The following SDF4 variants were observed in gnomAD, a reference collection of about 807,000 sequenced individuals.
SDF4 encodes the protein stromal cell derived factor 4, also known as 45 kDa calcium-binding protein.
Under a neutral mutation model 34.2 loss-of-function variants are expected in SDF4, and 22 were observed. That is an observed-to-expected ratio of 0.64 (90% CI 0.46 to 0.92). The LOEUF (loss-of-function observed/expected upper bound fraction) is 0.92. Among genes scored for constraint, SDF4 ranks in the 40% least tolerant of loss-of-function variants. The pLI, the probability that SDF4 is intolerant of heterozygous loss-of-function variation, is 0.00. For missense variants in SDF4, 447 were observed against 499.9 expected (o/e 0.89, Z 1.01); for synonymous variants, 236 against 203.1 (o/e 1.16, Z -1.38).
At chr1:1,225,799 A>C in intron 2 of SDF4, among the ~76,000 whole-genome samples, 1 of 152,234 alleles carries the variant, frequency 6.6e-6, no homozygotes, top group Non-Finnish European at 1.5e-5. Flanking sequence ...CTCCACAGAC[A>C]CAGACACACA....
chr1:1,219,716 G>C, intron 4 of SDF4: 11 of 986,148 alleles, frequency 1.1e-5, no homozygotes, highest in Non-Finnish European at 1.1e-5. Flanking sequence ...AGCCACCCTG[G>C]GTCTCCAGGA....
rs749782502 is a variant in SDF4 at position 1,228,614 on chromosome 1, G to A, written c.159C>T (p.Asp53=). Residue 53 remains aspartate, a synonymous_variant, in exon 2 of 7, where the codon GAC becomes GAT. Coordinates refer to ENST00000360001, the MANE Select transcript of SDF4 (RefSeq NM_016176.6). ...TCTCCAGCTTCACCCCGTTCAGGTG[G>A]TCTGGGGGCAGGATCTCATTCTCCT... The part of the protein sequence containing the change: ...NREENEILPP[D]HLNGVKLEMD... 3 of 1,613,242 alleles carry A rather than the reference G, an allele frequency of 1.9e-6. No individual in the cohort carries two copies. The highest frequency in any genetic ancestry group is 2.5e-6 in the Non-Finnish European group (3 of 1,180,028).
intron 4 of SDF4, chr1:1,220,780 A>C: frequency 7.8e-7 from 1 of 1,287,382 alleles, no homozygotes; most frequent in African/African-American, 1.5e-5. Context: ...GACAGACACA[A>C]TCAGAGTTGG....
Position 1,223,345 on chromosome 1 carries a change from C to T in SDF4, c.455G>A (p.Trp152Ter). Residue 152 changes from tryptophan to a stop codon, truncating the protein, a stop_gained, in exon 4 of 7, where the codon TGG (tryptophan) becomes TAG (stop). Coordinates refer to ENST00000360001, the MANE Select transcript of SDF4 (RefSeq NM_016176.6). LOFTEE classifies it high-confidence loss of function. ...VDPDGDGHVS[W>*]DEYKVKFLAS... Reference sequence around the variant, plus strand: ...CAAAAACTTCACCTTATACTCGTCCCAAGACACGTGACCTGGAAGAGCAGA... The same window carrying T: ...CAAAAACTTCACCTTATACTCGTCCTAAGACACGTGACCTGGAAGAGCAGA... 2.5e-6 allele frequency: 4 copies of T among 1,611,036 alleles called. No individual in the cohort carries two copies. Among genetic ancestry groups the T allele is most frequent in the Non-Finnish European group, 3.4e-6 (4 of 1,178,112 alleles).
chr1:1,224,911 TCAAAACAAGA>T (rs1256672478), intron 2 of SDF4, among the ~76,000 whole-genome samples: 2 of 152,100 alleles, frequency 1.3e-5, no homozygotes, highest in Non-Finnish European at 2.9e-5. Context: ...AGACCCTGAC[TCAAAACAAGA>T]CAAAACAAAA....
At position 1,217,811 on chromosome 1, in the gene SDF4, G is replaced by A. The variant is rs1278964907; in HGVS notation, c.892-123C>T. On this transcript the variant is annotated intron_variant, in intron 6 of 6. Coordinates refer to ENST00000360001, the MANE Select transcript of SDF4 (RefSeq NM_016176.6). This position sits in a 1 kb window ranked among gnomAD's most constrained non-coding sequence, Gnocchi z 8.5. ...GCGGGAGTGTGGGCACGTTCTGGAA[G>A]GTTCCCGAAGGGAGGCGGCACAAAT... The A allele has an allele frequency of 1.3e-6, 2 of 1,562,246 alleles. No individual in the cohort carries two copies. The highest frequency in any genetic ancestry group is 2.3e-5 in the East Asian group (1 of 44,184).
rs1292288103 is a variant in SDF4 at position 1,217,572 on chromosome 1, G to A, written c.1008C>T (p.Ser336=). 43 of 1,613,372 alleles carry A rather than the reference G, an allele frequency of 2.7e-5. No individual in the cohort carries two copies. Among genetic ancestry groups the A allele is most frequent in the Non-Finnish European group, 3.1e-5 (37 of 1,179,900 alleles). ...HLEPEEVLKY[S]EFFTGSKLVD... ...CCAGCTTGCTGCCCGTGAAGAACTC[G>A]CTGTACTTGAGCACCTCCTCGGGCT... is the stretch of plus-strand genomic sequence containing the variant. The change falls in exon 7 of 7, where the codon AGC becomes AGT. Residue 336 remains serine, a synonymous_variant. Coordinates refer to ENST00000360001, the MANE Select transcript of SDF4 (RefSeq NM_016176.6). This position sits in a 1 kb window ranked among gnomAD's most constrained non-coding sequence, Gnocchi z 8.5.
chr1:1,220,380 G>A, intron 4 of SDF4: 11 of 1,145,334 alleles, frequency 9.6e-6, no homozygotes, highest in Non-Finnish European at 1.2e-5. Context: ...TGAGGCGCGA[G>A]GACAGCAGCC....
In SDF4 at chr1:1,218,968, G is replaced by T. The variant is rs372162006; in HGVS notation, c.557-41C>A. ...CCTGTGGGTATCGAGGCCGACAGAC[G>T]CCAGCACGCAAATCCAGAAAGTTCC... is the stretch of plus-strand genomic sequence containing the variant. On this transcript the variant is annotated intron_variant, in intron 4 of 6. Transcript: ENST00000360001. This position sits in a 1 kb window ranked among gnomAD's most constrained non-coding sequence, Gnocchi z 7.9. 1.9e-6 allele frequency: 3 copies of T among 1,612,296 alleles called. No individual in the cohort carries two copies. Among genetic ancestry groups the T allele is most frequent in the African/African-American group, 2.7e-5 (2 of 74,880 alleles).
Position 1,223,875 on chromosome 1 carries a change from C to T in SDF4, c.399G>A (p.Glu133=). The T allele has an allele frequency of 6.2e-7, 1 of 1,607,756 alleles. No individual in the cohort carries two copies. Among genetic ancestry groups the T allele is most frequent in the Non-Finnish European group, 8.5e-7 (1 of 1,179,290 alleles). ...KTAEHFQEAM[E]ESKTHFRAVD... is the part of the protein sequence containing the mutation. ...CGGCGCGGAAGTGTGTCTTGCTCTC[C>T]TCCATGGCCTCCTGGAAGTGCTCGG... Residue 133 remains glutamate (E), a synonymous_variant, in exon 3 of 7, where the codon GAG becomes GAA. Transcript: ENST00000360001.
chr1:1,217,508 G>A lies in SDF4; in HGVS notation c.*4C>T. 1 of 1,575,816 alleles carries A rather than the reference G, an allele frequency of 6.3e-7. No homozygotes were observed. Among genetic ancestry groups the A allele is most frequent in the South Asian group, 1.1e-5 (1 of 87,260 alleles). ...GGGGGGCGGCGCGGGGCGCGGCCGG[G>A]CGCTCAAAACTCCTCGTGCACGCTG... On this transcript the variant is annotated 3_prime_UTR_variant, in exon 7 of 7. Coordinates refer to ENST00000360001, the MANE Select transcript of SDF4 (RefSeq NM_016176.6). The surrounding 1 kb of genome is among the most constrained non-coding windows in gnomAD (Gnocchi z 8.5).
At position 1,228,581 on chromosome 1, in the gene SDF4, C is replaced by T; in HGVS notation, c.192G>A (p.Gly64=). The change falls in exon 2 of 7, where the codon GGG becomes GGA. Residue 64 remains glycine, a synonymous_variant. Transcript: ENST00000360001. ...HLNGVKLEMD[G]HLNRGFHQEV... Reference sequence around the variant, plus strand: ...CCTGGTGGAAGCCGCGATTGAGGTGCCCGTCCATCTCCAGCTTCACCCCGT... The same window carrying T: ...CCTGGTGGAAGCCGCGATTGAGGTGTCCGTCCATCTCCAGCTTCACCCCGT... 4 of 1,613,192 alleles carry T rather than the reference C, an allele frequency of 2.5e-6. No individual in the cohort carries two copies. Among genetic ancestry groups the T allele is most frequent in the Non-Finnish European group, 3.4e-6 (4 of 1,180,020 alleles).
In SDF4 at chr1:1,217,476, G is replaced by C; in HGVS notation, c.*36C>G. ...GAGTCACCCGCGAGGCCGCCCCGGT[G>C]GTGCGTGGGGGGCGGCGCGGGGCGC... is the stretch of plus-strand genomic sequence containing the variant. On this transcript the variant is annotated 3_prime_UTR_variant, in exon 7 of 7. Coordinates refer to ENST00000360001, the MANE Select transcript of SDF4 (RefSeq NM_016176.6). This position sits in a 1 kb window ranked among gnomAD's most constrained non-coding sequence, Gnocchi z 8.5. 2 of 1,438,722 alleles carry C rather than the reference G, an allele frequency of 1.4e-6. No homozygotes were observed. Among genetic ancestry groups the C allele is most frequent in the East Asian group, 2.8e-5 (1 of 36,002 alleles). The allele number at this position is 1,438,722 out of a possible 1,614,324, so 89.1% of individuals were successfully genotyped here.
At chr1:1,231,102 G>A (rs1366349797) in intron 1 of SDF4, among the ~76,000 whole-genome samples, 1 of 152,196 alleles carries the variant, frequency 6.6e-6, no homozygotes, top group Non-Finnish European at 1.5e-5. Context: ...CGAAAAAGGG[G>A]GAATAAAAAG....
intron 1 of SDF4, among the ~76,000 whole-genome samples, chr1:1,231,518 G>A (rs1053345373): frequency 6.6e-6 from 1 of 152,264 alleles, no homozygotes; most frequent in East Asian, 1.9e-4. Flanking sequence ...GGGGATGAGG[G>A]TCCACGCGGT....
At chr1:1,230,183 T>A (rs536353469) in intron 1 of SDF4, among the ~76,000 whole-genome samples, 21 of 152,358 alleles carry the variant, frequency 1.4e-4, no homozygotes, top group African/African-American at 5.0e-4. Flanking sequence ...ATGTCACAGC[T>A]GTTCCCTCAA....
chr1:1,228,643 T>G lies in SDF4; in HGVS notation c.130A>C (p.Arg44=). The G allele has an allele frequency of 6.2e-7, 1 of 1,613,204 alleles. No homozygotes were observed. The highest frequency in any genetic ancestry group is 1.1e-5 in the South Asian group (1 of 91,078). The change falls in exon 2 of 7, where the codon AGG becomes CGG. Residue 44 remains arginine (R), a synonymous_variant. Coordinates refer to ENST00000360001, the MANE Select transcript of SDF4 (RefSeq NM_016176.6). ...GGGGGCAGGATCTCATTCTCCTCCCTGTTGGCTACTCTCTCTCGAGTGGAC... is the reference window on the plus strand; with the variant it reads ...GGGGGCAGGATCTCATTCTCCTCCCGGTTGGCTACTCTCTCTCGAGTGGAC... ...HSSTRERVAN[R]EENEILPPDH...
At chr1:1,228,317 G>A in intron 2 of SDF4, 151 bp downstream of exon 2, 1 of 879,800 alleles carries the variant, frequency 1.1e-6, no homozygotes, top group South Asian at 1.8e-5. Context: ...AACACAGCAG[G>A]CTGGAAGTGG....
Position 1,228,805 on chromosome 1 carries a change from C to T in SDF4, c.-33G>A. On this transcript the variant is annotated 5_prime_UTR_variant, in exon 2 of 7. Coordinates refer to ENST00000360001, the MANE Select transcript of SDF4 (RefSeq NM_016176.6). ...CAGGGCCAGACCATGGGGCGGGCTGCAGGGTGTGGGCCAGGTGCTGGGAGG... is the reference window on the plus strand; with the variant it reads ...CAGGGCCAGACCATGGGGCGGGCTGTAGGGTGTGGGCCAGGTGCTGGGAGG... The T allele has an allele frequency of 3.8e-6, 6 of 1,570,822 alleles. No individual in the cohort carries two copies. The highest frequency in any genetic ancestry group is 4.3e-6 in the Non-Finnish European group (5 of 1,162,018).
Sources: allele counts gnomAD v4.1 joint callset (sites outside exome capture counted in the v4.1 genomes callset), GRCh38; gene constraint gnomAD v4.1.1; non-coding constraint Gnocchi (gnomAD v3.1); transcripts MANE v1.5; gene names NCBI Gene and HGNC (gene_info 2026-07-23, HGNC 2026-07-21).